The following MICU3 variants were observed in gnomAD, a reference collection of about 807,000 sequenced individuals.
The protein encoded by MICU3 is mitochondrial calcium uptake 3, also known as calcium uptake protein 3, mitochondrial.
A neutral mutation model predicts 66.5 loss-of-function variants in MICU3; 62 were observed. The ratio of observed to expected loss-of-function variants is 0.93; its 90% confidence interval spans 0.76 to 1.15. The LOEUF (loss-of-function observed/expected upper bound fraction) is 1.15. Among genes scored for constraint, MICU3 ranks in the 50% most tolerant of loss-of-function variants. MICU3 has a pLI of 0.00. For missense variants in MICU3, 779 were observed against 664.4 expected, an observed-to-expected ratio of 1.17 and a Z score of -1.90; for synonymous variants, 308 against 240.7, an observed-to-expected ratio of 1.28 and a Z score of -2.59.
intron 7 of MICU3, among the ~76,000 whole-genome samples, chr8:17,089,752 T>G (rs1033710345): frequency 2.0e-5 from 3 of 152,020 alleles, no homozygotes; most frequent in Non-Finnish European, 4.4e-5. Flanking sequence ...GTGATTGGTA[T>G]GGAGGTTAAA....
In MICU3 at chr8:17,116,565, G is replaced by A; in HGVS notation, c.1489G>A (p.Gly497Arg). The stretch of plus-strand genomic sequence containing the variant: ...TCAATTAAGTTATAAAGAATTTATT[G>A]GAATTATGAAAGACAGACTCCATAG... ...DDQLSYKEFI[G>R]IMKDRLHRGF... Residue 497 changes from glycine to arginine, a missense_variant, in exon 13 of 15, where the codon GGA becomes AGA. Transcript: ENST00000318063. 1.3e-6 allele frequency: 2 copies of A among 1,565,462 alleles called. No homozygotes were observed. Among genetic ancestry groups the A allele is most frequent in the Non-Finnish European group, 1.7e-6 (2 of 1,163,854 alleles).
intron 11 of MICU3, among the ~76,000 whole-genome samples, chr8:17,111,312 A>G (rs1453493749): frequency 6.6e-6 from 1 of 151,244 alleles, no homozygotes; most frequent in Non-Finnish European, 1.5e-5. Flanking sequence ...CTTTATTTTT[A>G]TTTATTATTT....
chr8:17,110,590 G>T (rs902583002), intron 11 of MICU3, among the ~76,000 whole-genome samples: 3 of 151,978 alleles, frequency 2.0e-5, no homozygotes, highest in African/African-American at 7.3e-5. Flanking sequence ...AAGAAATGGG[G>T]TCTTTCTCTG....
chr8:17,076,886 G>C (rs1820464154), intron 3 of MICU3, among the ~76,000 whole-genome samples: 1 of 152,212 alleles, frequency 6.6e-6, no homozygotes. Flanking sequence ...TCTGAAAATA[G>C]AAGTGGGTTC....
At chr8:17,080,685 A>G (rs1821052898) in intron 4 of MICU3, among the ~76,000 whole-genome samples, 1 of 152,160 alleles carries the variant, frequency 6.6e-6, no homozygotes, top group Non-Finnish European at 1.5e-5. Flanking sequence ...ACAATATTCT[A>G]GTATAAACAA....
chr8:17,039,495 G>T (rs1813656894), intron 1 of MICU3, among the ~76,000 whole-genome samples: 1 of 152,086 alleles, frequency 6.6e-6, no homozygotes, highest in Non-Finnish European at 1.5e-5. Context: ...CCTTATAATG[G>T]CCTGACCATC....
At chr8:17,113,545 C>G (rs1273619184) in intron 11 of MICU3, among the ~76,000 whole-genome samples, 1 of 152,184 alleles carries the variant, frequency 6.6e-6, no homozygotes, top group East Asian at 1.9e-4. Context: ...CATTGCACTT[C>G]CTGCCACTGC....
chr8:17,109,681 T>A (rs1464961709), intron 11 of MICU3, among the ~76,000 whole-genome samples: 1 of 152,120 alleles, frequency 6.6e-6, no homozygotes, highest in Non-Finnish European at 1.5e-5. Flanking sequence ...GGAAGGGACA[T>A]TTTGTGCTAT....
At chr8:17,079,897 AC>A (rs1820918359) in intron 4 of MICU3, among the ~76,000 whole-genome samples, 1 of 152,260 alleles carries the variant, frequency 6.6e-6, no homozygotes, top group African/African-American at 2.4e-5. Flanking sequence ...ATTCATGAAA[AC>A]ATGTATTGTA....
At chr8:17,081,197 G>C (rs973370938) in intron 4 of MICU3, among the ~76,000 whole-genome samples, 1 of 152,040 alleles carries the variant, frequency 6.6e-6, no homozygotes, top group Admixed American at 6.6e-5. Flanking sequence ...CAGAAAAGTG[G>C]TAACTATAGA....
At chr8:17,082,252 T>C (rs1383648599) in intron 5 of MICU3, among the ~76,000 whole-genome samples, 1 of 152,156 alleles carries the variant, frequency 6.6e-6, no homozygotes, top group African/African-American at 2.4e-5. Flanking sequence ...TCTGTTATAG[T>C]TTACTGTGTT....
intron 1 of MICU3, among the ~76,000 whole-genome samples, chr8:17,061,090 G>C (rs569850350): frequency 6.6e-6 from 1 of 152,156 alleles, no homozygotes; most frequent in Admixed American, 6.5e-5. Context: ...GGATGGATTA[G>C]AGGTAACAAT....
chr8:17,040,822 A>C (rs933669653), intron 1 of MICU3, among the ~76,000 whole-genome samples: 1 of 152,192 alleles, frequency 6.6e-6, no homozygotes, highest in Admixed American at 6.5e-5. Context: ...CCTCTGTCTG[A>C]AAATAATAAA....
intron 1 of MICU3, among the ~76,000 whole-genome samples, chr8:17,032,054 A>T (rs1812168477): frequency 6.6e-6 from 1 of 152,256 alleles, no homozygotes; most frequent in East Asian, 1.9e-4. Context: ...TTTGTTGAAT[A>T]AATAAGCTCA....
intron 8 of MICU3, among the ~76,000 whole-genome samples, chr8:17,092,845 G>A (rs1319553214): frequency 6.6e-6 from 1 of 151,956 alleles, no homozygotes; most frequent in Non-Finnish European, 1.5e-5. Flanking sequence ...TTCCAGAGTT[G>A]TAAATTAACT....
chr8:17,042,806 G>A (rs1814385934), intron 1 of MICU3, among the ~76,000 whole-genome samples: 1 of 151,770 alleles, frequency 6.6e-6, no homozygotes, highest in Non-Finnish European at 1.5e-5. Context: ...CTTTTTTCCT[G>A]TCTGATAAGG....
intron 1 of MICU3, among the ~76,000 whole-genome samples, chr8:17,049,196 G>T (rs1815636051): frequency 6.6e-6 from 1 of 152,066 alleles, no homozygotes; most frequent in Admixed American, 6.5e-5. Context: ...GTGTTCCATT[G>T]TATCCTGGGA....
chr8:17,044,113 A>C (rs1814669066), intron 1 of MICU3, among the ~76,000 whole-genome samples: 1 of 152,204 alleles, frequency 6.6e-6, no homozygotes, highest in South Asian at 2.1e-4. Context: ...CTTTGTTCCT[A>C]TACCCACACC....
chr8:17,097,351 A>T (rs182295666), intron 8 of MICU3, among the ~76,000 whole-genome samples: 2 of 151,884 alleles, frequency 1.3e-5, no homozygotes, highest in East Asian at 3.9e-4. Flanking sequence ...GGAGTGATGC[A>T]GATTCTCTGT....
Sources: allele counts gnomAD v4.1 joint callset (sites outside exome capture counted in the v4.1 genomes callset), GRCh38; gene constraint gnomAD v4.1.1; transcripts MANE v1.5; gene names NCBI Gene and HGNC (gene_info 2026-07-23, HGNC 2026-07-21).